The following CTNNA3 variants were observed in gnomAD, a reference collection of about 807,000 sequenced individuals.
CTNNA3 encodes catenin alpha-3.
Under a neutral mutation model 95.7 loss-of-function variants are expected in CTNNA3, and 76 were observed. The ratio of observed to expected loss-of-function variants is 0.79; its 90% CI spans 0.66 to 0.96. The LOEUF (loss-of-function observed/expected upper bound fraction) is 0.96, where lower values mean the gene tolerates loss of function less well. Ranked by LOEUF, CTNNA3 falls within the 40% of genes least tolerant of loss-of-function variation. The pLI is 0.00. For missense variants in CTNNA3, 1,191 were observed against 1,089.8 expected (o/e 1.09, Z -1.31); for synonymous variants, 431 against 374.4 (o/e 1.15, Z -1.74).
chr10:67,382,365 C>T (rs1193351917), intron 5 of CTNNA3, among the ~76,000 whole-genome samples: 1 of 151,980 alleles, frequency 6.6e-6, no homozygotes, highest in East Asian at 1.9e-4. Flanking sequence ...ATAATTTATC[C>T]TATCAATTTT....
intron 10 of CTNNA3, among the ~76,000 whole-genome samples, chr10:66,583,567 C>G (rs1040283334): frequency 3.3e-5 from 5 of 151,728 alleles, no homozygotes; most frequent in Non-Finnish European, 7.4e-5. Context: ...TTTGGATCTT[C>G]TCTCTTCTTG....
intron 13 of CTNNA3, among the ~76,000 whole-genome samples, chr10:66,202,762 T>C (rs1206066171): frequency 2.6e-5 from 4 of 152,338 alleles, no homozygotes; most frequent in South Asian, 2.1e-4. Context: ...TCTTCTACCA[T>C]ACTACTTCTC....
intron 11 of CTNNA3, among the ~76,000 whole-genome samples, chr10:66,409,811 T>C (rs1933283480): frequency 6.6e-6 from 1 of 152,200 alleles, no homozygotes. Flanking sequence ...AGAACCTGAT[T>C]ATATAGAATT....
At chr10:67,114,388 C>G (rs577967278) in intron 7 of CTNNA3, among the ~76,000 whole-genome samples, 3 of 152,096 alleles carry the variant, frequency 2.0e-5, no homozygotes, top group Non-Finnish European at 2.9e-5. Flanking sequence ...GTCTCCTTAA[C>G]AGAGTGAAAT....
At chr10:66,308,612 C>T (rs1453269671) in intron 12 of CTNNA3, among the ~76,000 whole-genome samples, 1 of 152,082 alleles carries the variant, frequency 6.6e-6, no homozygotes, top group Non-Finnish European at 1.5e-5. Flanking sequence ...TTTTGGCTTC[C>T]AGTAGTACAA....
chr10:66,763,748 C>T (rs960431990), intron 9 of CTNNA3, among the ~76,000 whole-genome samples: 5 of 152,288 alleles, frequency 3.3e-5, no homozygotes, highest in African/African-American at 4.8e-5. Context: ...CATCTCAGAA[C>T]CCAACCACCA....
intron 7 of CTNNA3, among the ~76,000 whole-genome samples, chr10:66,816,445 T>C (rs1333603461): frequency 3.3e-5 from 5 of 151,964 alleles, no homozygotes; most frequent in South Asian, 2.1e-4. Flanking sequence ...AAAAGAGACA[T>C]ATACATTCAA....
intron 12 of CTNNA3, among the ~76,000 whole-genome samples, chr10:66,360,597 T>TTCTTTCTTTC (rs1564895717): frequency 2.7e-5 from 1 of 36,948 alleles, no homozygotes; most frequent in Non-Finnish European, 6.2e-5. Flanking sequence ...TATTCTTTCC[T>TTCTTTCTTTC]TCTTTCTTTC....
At chr10:66,735,965 G>A (rs1003899636) in intron 9 of CTNNA3, among the ~76,000 whole-genome samples, 3 of 152,118 alleles carry the variant, frequency 2.0e-5, no homozygotes. Flanking sequence ...TCTTACCCTT[G>A]CCTTGGGAAC....
At chr10:66,968,361 A>T (rs1355564791) in intron 7 of CTNNA3, among the ~76,000 whole-genome samples, 2 of 150,042 alleles carry the variant, frequency 1.3e-5, no homozygotes, top group Non-Finnish European at 3.0e-5. Flanking sequence ...TATATATATA[A>T]AACACATCGA....
intron 7 of CTNNA3, among the ~76,000 whole-genome samples, chr10:66,979,059 G>A (rs1401444775): frequency 6.7e-6 from 1 of 150,132 alleles, no homozygotes; most frequent in East Asian, 2.0e-4. Flanking sequence ...CTACCTCCTG[G>A]GCTCAAGAGA....
chr10:67,281,101 A>G (rs368993895), intron 5 of CTNNA3, among the ~76,000 whole-genome samples: 1 of 151,792 alleles, frequency 6.6e-6, no homozygotes, highest in African/African-American at 2.4e-5. Context: ...TTTTTCTCCT[A>G]TTACTGATTT....
intron 13 of CTNNA3, among the ~76,000 whole-genome samples, chr10:66,276,558 G>A (rs2091403232): frequency 6.6e-6 from 1 of 152,052 alleles, no homozygotes. Context: ...ATTAATATAG[G>A]TTCAAAAGCA....
intron 7 of CTNNA3, among the ~76,000 whole-genome samples, chr10:66,922,046 C>G (rs1225081536): frequency 6.6e-6 from 1 of 152,100 alleles, no homozygotes; most frequent in Admixed American, 6.6e-5. Context: ...GGCAGTATTG[C>G]CAAACTGAGA....
intron 3 of CTNNA3, among the ~76,000 whole-genome samples, chr10:67,558,832 T>C (rs1213588030): frequency 6.6e-6 from 1 of 152,142 alleles, no homozygotes; most frequent in African/African-American, 2.4e-5. Flanking sequence ...GCCAGGAGAT[T>C]ATATCCCGCA....
At chr10:66,113,782 T>C (rs1209383103) in intron 13 of CTNNA3, among the ~76,000 whole-genome samples, 2 of 152,206 alleles carry the variant, frequency 1.3e-5, no homozygotes, top group East Asian at 3.8e-4. Context: ...AAATCTCTTA[T>C]AGATTGTTAA....
chr10:67,476,454 C>T (rs1445141205), intron 5 of CTNNA3, among the ~76,000 whole-genome samples: 1 of 152,090 alleles, frequency 6.6e-6, no homozygotes, highest in Non-Finnish European at 1.5e-5. Flanking sequence ...GACAGATCTC[C>T]AGGCAGTCGG....
intron 12 of CTNNA3, among the ~76,000 whole-genome samples, chr10:66,314,482 C>G (rs2092071125): frequency 6.6e-6 from 1 of 152,176 alleles, no homozygotes; most frequent in South Asian, 2.1e-4. Flanking sequence ...GATCCAATAT[C>G]ATTCTTTTTT....
chr10:66,135,024 A>G (rs1367250274), intron 13 of CTNNA3, among the ~76,000 whole-genome samples: 1 of 152,140 alleles, frequency 6.6e-6, no homozygotes, highest in African/African-American at 2.4e-5. Flanking sequence ...ATATTGTTGT[A>G]TTGGAGAACT....
Sources: allele counts gnomAD v4.1 joint callset (sites outside exome capture counted in the v4.1 genomes callset), GRCh38; gene constraint gnomAD v4.1.1; transcripts MANE v1.5; gene names NCBI Gene and HGNC (gene_info 2026-07-23, HGNC 2026-07-21).